The following KCNMB2 variants were observed in gnomAD, a reference collection of about 807,000 sequenced individuals.
The protein encoded by KCNMB2 is potassium calcium-activated channel subfamily M regulatory beta subunit 2, also known as calcium-activated potassium channel subunit beta-2.
A neutral mutation model predicts 24.5 loss-of-function variants in KCNMB2; 9 were observed. The ratio of observed to expected loss-of-function variants is 0.37; its 90% CI spans 0.22 to 0.64. KCNMB2 has a LOEUF of 0.64. Among genes scored for constraint, KCNMB2 ranks in the 30% least tolerant of loss-of-function variants. The pLI, the probability that KCNMB2 is intolerant of heterozygous loss-of-function variation, is 0.63. For missense variants in KCNMB2, 226 were observed against 284.3 expected, an observed-to-expected ratio of 0.79 and a Z score of 1.47; for synonymous variants, 109 against 104.4, an observed-to-expected ratio of 1.04 and a Z score of -0.27.
At chr3:178,693,420 TC>T (rs1425754960) in intron 1 of KCNMB2, among the ~76,000 whole-genome samples, 2 of 152,196 alleles carry the variant, frequency 1.3e-5, no homozygotes, top group Admixed American at 1.3e-4. Flanking sequence ...TGAGGTATGT[TC>T]CTTCAATAAC....
chr3:178,579,892 C>T (rs1374209665), intron 1 of KCNMB2, among the ~76,000 whole-genome samples: 1 of 151,968 alleles, frequency 6.6e-6, no homozygotes, highest in African/African-American at 2.4e-5. Flanking sequence ...GCCTACCAAC[C>T]AAAAAAGCCC....
At chr3:178,677,123 G>A (rs1721096555) in intron 1 of KCNMB2, among the ~76,000 whole-genome samples, 1 of 152,138 alleles carries the variant, frequency 6.6e-6, no homozygotes, top group Non-Finnish European at 1.5e-5. Context: ...TTTCCTCATG[G>A]TGTAAACTTT....
intron 1 of KCNMB2, among the ~76,000 whole-genome samples, chr3:178,574,789 C>T (rs1716931520): frequency 6.6e-6 from 1 of 152,188 alleles, no homozygotes; most frequent in Non-Finnish European, 1.5e-5. Context: ...AAATCTGGGC[C>T]AGGCGTGGTG....
Position 178,557,900 on chromosome 3 carries a change from G to C in KCNMB2, c.-68+21189G>C, listed in dbSNP as rs561717080. 2.0e-5 allele frequency among the ~76,000 whole-genome samples: 3 copies of C among 152,264 alleles called. No homozygotes were observed. In the South Asian group the frequency reaches 6.2e-4, roughly 32 times the overall value. On this transcript the variant is annotated intron_variant, in intron 1 of 4. Transcript: ENST00000452583. The stretch of plus-strand genomic sequence containing the variant: ...AAACAGCAAGTTAGCAACACCAAGA[G>C]ACATTGAAACGAAACCTTGGAGCCC...
intron 1 of KCNMB2, among the ~76,000 whole-genome samples, chr3:178,781,487 G>A (rs1447009309): frequency 6.6e-6 from 1 of 152,150 alleles, no homozygotes; most frequent in Non-Finnish European, 1.5e-5. Context: ...AGCTACTCGG[G>A]AGGCTGAGGC....
intron 1 of KCNMB2, among the ~76,000 whole-genome samples, chr3:178,568,779 A>C: frequency 9.9e-6 from 1 of 101,332 alleles, no homozygotes; most frequent in South Asian, 3.7e-4. Context: ...TAGATGATAG[A>C]TAGATAGATA....
chr3:178,784,894 A>AC (rs1329120804), intron 1 of KCNMB2, among the ~76,000 whole-genome samples: 50 of 151,194 alleles, frequency 3.3e-4, no homozygotes, highest in African/African-American at 1.2e-3. Flanking sequence ...AAAAAAAAAA[A>AC]AACTATCCAA....
intron 1 of KCNMB2, among the ~76,000 whole-genome samples, chr3:178,734,030 C>G (rs921367995): frequency 1.3e-5 from 2 of 152,038 alleles, no homozygotes; most frequent in African/African-American, 4.8e-5. Context: ...AAAGAAGGAT[C>G]AAAATTCTGT....
intron 1 of KCNMB2, among the ~76,000 whole-genome samples, chr3:178,633,124 C>T (rs1260910155): frequency 1.3e-5 from 2 of 152,196 alleles, no homozygotes; most frequent in South Asian, 2.1e-4. Flanking sequence ...ACAGCCCCCC[C>T]GCCAGCTCCT....
intron 1 of KCNMB2, among the ~76,000 whole-genome samples, chr3:178,771,473 CTTTTTTTTTTTTTTTT>C (rs66694279): frequency 1.1e-5 from 1 of 87,516 alleles, no homozygotes; most frequent in Non-Finnish European, 2.1e-5. Flanking sequence ...TTCTTTCTTT[CTTTTTTTTTTTTTTTT>C]TTTTTTTTTT....
chr3:178,671,314 T>C (rs1464757504), intron 1 of KCNMB2, among the ~76,000 whole-genome samples: 1 of 152,174 alleles, frequency 6.6e-6, no homozygotes, highest in Non-Finnish European at 1.5e-5. Flanking sequence ...GAAAAACCAC[T>C]TTTCAGTTGC....
rs920972685 is a variant in KCNMB2 at position 178,633,880 on chromosome 3, C to T, written c.-68+97169C>T. Among the ~76,000 whole-genome samples the T allele has an allele frequency of 5.3e-5, 8 of 152,336 alleles. No individual in the cohort carries two copies. The South Asian group carries it at 6.2e-4, about 12-fold the overall frequency. Reference sequence around the variant, plus strand: ...ACACTTTGCTGCTTAGAAATTTCTTCTGCCAGATACCTTAAATCATATCTC... The same window carrying T: ...ACACTTTGCTGCTTAGAAATTTCTTTTGCCAGATACCTTAAATCATATCTC... On this transcript the variant is annotated intron_variant, in intron 1 of 4. Transcript: ENST00000452583.
chr3:178,680,718 C>T (rs1270420363), intron 1 of KCNMB2, among the ~76,000 whole-genome samples: 2 of 152,176 alleles, frequency 1.3e-5, no homozygotes, highest in Admixed American at 6.5e-5. Flanking sequence ...TTGCTCACTC[C>T]TCATTCAACA....
At chr3:178,834,724 T>G (rs13079349) in intron 4 of KCNMB2, among the ~76,000 whole-genome samples, 32,877 of 151,994 alleles carry the variant, frequency 0.22, 3,848 homozygotes, top group Middle Eastern at 0.29. Context: ...CATCTTAAAT[T>G]TGAGATATTT....
intron 1 of KCNMB2, among the ~76,000 whole-genome samples, chr3:178,786,853 T>G (rs1387703019): frequency 4.8e-5 from 7 of 145,036 alleles, no homozygotes; most frequent in African/African-American, 7.7e-5. Context: ...AAAAAAGAAA[T>G]AAATAAACAA....
intron 1 of KCNMB2, among the ~76,000 whole-genome samples, chr3:178,624,334 G>A (rs1719028419): frequency 6.7e-6 from 1 of 149,974 alleles, no homozygotes; most frequent in African/African-American, 2.5e-5. Context: ...ATTGTTGCCT[G>A]GGATTTTTGA....
At chr3:178,730,118 G>A (rs2108366227) in intron 1 of KCNMB2, among the ~76,000 whole-genome samples, 1 of 152,234 alleles carries the variant, frequency 6.6e-6, no homozygotes, top group Admixed American at 6.5e-5. Context: ...CCAACCACAA[G>A]AAAACTAAGA....
chr3:178,720,450 T>C (rs1722762408), intron 1 of KCNMB2, among the ~76,000 whole-genome samples: 1 of 114,854 alleles, frequency 8.7e-6, no homozygotes, highest in Admixed American at 8.7e-5. Context: ...TACGTGTGCA[T>C]ATGTCTTTAT....
intron 4 of KCNMB2, among the ~76,000 whole-genome samples, chr3:178,831,867 C>T (rs948819231): frequency 6.6e-6 from 1 of 152,114 alleles, no homozygotes; most frequent in Admixed American, 6.6e-5. Context: ...ACCTATGTAA[C>T]AAACCTGCAC....
Sources: gnomAD v4.1 joint callset for allele counts (sites outside exome capture counted in the v4.1 genomes callset) on GRCh38, gnomAD v4.1.1 for gene constraint, MANE v1.5 for transcripts, NCBI Gene and HGNC (gene_info 2026-07-23, HGNC 2026-07-21) for gene names.